Variants in BCAS3 observed in about 807,000 individuals in gnomAD.
BCAS3 encodes BCAS3 microtubule associated cell migration factor.
A neutral mutation model predicts 116.1 loss-of-function variants in BCAS3; 53 were observed. The ratio of observed to expected loss-of-function variants is 0.46; its 90% CI spans 0.37 to 0.57. The LOEUF is 0.57. BCAS3 is among the 20% of genes least tolerant of loss of function. The pLI is 0.00. For missense variants in BCAS3, 917 were observed against 1,165.4 expected (o/e 0.79, Z 3.10); for synonymous variants, 391 against 408.2 (o/e 0.96, Z 0.51).
chr17:60,882,622 GGT>G (rs2056277107), intron 9 of BCAS3, among the ~76,000 whole-genome samples: 1 of 151,410 alleles, frequency 6.6e-6, no homozygotes, highest in Non-Finnish European at 1.5e-5. Flanking sequence ...TTTTGTATAA[GGT>G]GTAAGGAAGG....
intron 22 of BCAS3, among the ~76,000 whole-genome samples, chr17:61,099,848 G>T (rs775693221): frequency 3.3e-5 from 5 of 152,150 alleles, no homozygotes; most frequent in Non-Finnish European, 5.9e-5. Flanking sequence ...TTTGAAGCTA[G>T]CCCATTTTGG....
chr17:61,101,738 G>C (rs2074340072), intron 22 of BCAS3, among the ~76,000 whole-genome samples: 1 of 151,978 alleles, frequency 6.6e-6, no homozygotes, highest in Non-Finnish European at 1.5e-5. Flanking sequence ...TAAAATTCTG[G>C]TTTGTTTTGT....
intron 20 of BCAS3, among the ~76,000 whole-genome samples, 170 bp downstream of exon 20, chr17:61,075,190 A>G (rs2071847542): frequency 6.6e-6 from 1 of 152,230 alleles, no homozygotes; most frequent in Admixed American, 6.5e-5. Context: ...CTGCAGGTGT[A>G]CATATACATA....
At chr17:60,781,311 T>C (rs1451034065) in intron 6 of BCAS3, among the ~76,000 whole-genome samples, 1 of 151,568 alleles carries the variant, frequency 6.6e-6, no homozygotes, top group Non-Finnish European at 1.5e-5. Flanking sequence ...AAAGAAAGAA[T>C]TTTCCAGCTG....
intron 6 of BCAS3, among the ~76,000 whole-genome samples, chr17:60,754,045 T>A (rs960655495): frequency 4.1e-5 from 4 of 97,726 alleles, no homozygotes; most frequent in Non-Finnish European, 1.0e-4. Context: ...TTTATTTATT[T>A]TATTTTGAGA....
At chr17:60,771,696 C>T (rs1568215901) in intron 6 of BCAS3, among the ~76,000 whole-genome samples, 1 of 152,194 alleles carries the variant, frequency 6.6e-6, no homozygotes, top group Non-Finnish European at 1.5e-5. Flanking sequence ...TGCTATCCCT[C>T]CCCTGTCCCC....
intron 7 of BCAS3, among the ~76,000 whole-genome samples, chr17:60,844,211 C>T (rs1002919678): frequency 3.3e-5 from 5 of 152,210 alleles, no homozygotes; most frequent in Admixed American, 6.5e-5. Flanking sequence ...CTCAGCTGAT[C>T]TGCCCGTCTC....
intron 22 of BCAS3, among the ~76,000 whole-genome samples, chr17:61,331,006 G>T (rs563970936): frequency 6.6e-6 from 1 of 152,346 alleles, no homozygotes; most frequent in South Asian, 2.1e-4. Context: ...CACAGTGCCA[G>T]GGGAGCTGTT....
chr17:61,000,155 ATAG>A (rs199944530), intron 15 of BCAS3, among the ~76,000 whole-genome samples: 7,845 of 152,168 alleles, frequency 0.052, 719 homozygotes, highest in African/African-American at 0.18. Flanking sequence ...GCTATGACTT[ATAG>A]TAGTACTATG....
rs370868582 is a variant in BCAS3, at chr17:61,258,035, T to C, written c.2426-110292T>C. On this transcript the variant is annotated intron_variant, in intron 22 of 23. Coordinates refer to ENST00000407086, the MANE Select transcript of BCAS3 (RefSeq NM_017679.5). The surrounding 1 kb of genome is among the most constrained non-coding windows in gnomAD (Gnocchi z 4.7). ...CCCACCTTATTATTTTTGTGCACAC[T>C]GTTCCTTCCTCTGAAGAGCCCTGCT... Among the ~76,000 whole-genome samples, 279 of 152,346 alleles carry C rather than the reference T, an allele frequency of 1.8e-3. No homozygotes were observed. Among genetic ancestry groups the C allele is most frequent in the African/African-American group, 6.5e-3 (272 of 41,580 alleles).
At chr17:61,242,003 G>A (rs2047562364) in intron 22 of BCAS3, among the ~76,000 whole-genome samples, 2 of 152,144 alleles carry the variant, frequency 1.3e-5, no homozygotes, top group African/African-American at 4.8e-5. Flanking sequence ...TTGGCTGGGT[G>A]TGGTGGCTCA....
At chr17:60,725,830 G>C (rs1464537094) in intron 5 of BCAS3, among the ~76,000 whole-genome samples, 2 of 151,494 alleles carry the variant, frequency 1.3e-5, no homozygotes, top group African/African-American at 4.9e-5. Flanking sequence ...GATGCCTGGG[G>C]GAGGGTTTTT....
intron 6 of BCAS3, among the ~76,000 whole-genome samples, chr17:60,772,836 G>A (rs2044863642): frequency 6.6e-6 from 1 of 152,072 alleles, no homozygotes; most frequent in Non-Finnish European, 1.5e-5. Flanking sequence ...TCGCGCCACT[G>A]CACTCCAGCC....
intron 5 of BCAS3, among the ~76,000 whole-genome samples, chr17:60,733,161 A>G (rs1461924901): frequency 6.6e-6 from 1 of 152,266 alleles, no homozygotes; most frequent in African/African-American, 2.4e-5. Context: ...GCCTGGTTAG[A>G]TAAATATGTT....
At chr17:60,694,962 A>T (rs1049793679) in intron 4 of BCAS3, among the ~76,000 whole-genome samples, 2 of 152,018 alleles carry the variant, frequency 1.3e-5, no homozygotes, top group Admixed American at 1.3e-4. Flanking sequence ...TAACTACTTT[A>T]GGGACCTCAC....
At chr17:60,838,197 TG>T (rs948110450) in intron 7 of BCAS3, among the ~76,000 whole-genome samples, 7 of 152,028 alleles carry the variant, frequency 4.6e-5, no homozygotes, top group Admixed American at 1.3e-4. Context: ...TCACAACATG[TG>T]CATAGTTCCC....
In BCAS3 at chr17:61,346,118, A is replaced by G. The variant is rs1210802047; in HGVS notation, c.2426-22209A>G. 6.6e-6 allele frequency among the ~76,000 whole-genome samples: 1 copy of G among 152,132 alleles called. No homozygotes were observed. The highest frequency in any genetic ancestry group is 2.4e-5 in the African/African-American group (1 of 41,430). ...AAGGTAACAGCGGGGTAGGTGCCATAATCCTTGTTGAAGTCGAGGAGTTGA... is the reference window on the plus strand; with the variant it reads ...AAGGTAACAGCGGGGTAGGTGCCATGATCCTTGTTGAAGTCGAGGAGTTGA... On this transcript the variant is annotated intron_variant, in intron 22 of 23. Coordinates refer to ENST00000407086, the MANE Select transcript of BCAS3 (RefSeq NM_017679.5). The surrounding 1 kb of genome is among the most constrained non-coding windows in gnomAD (Gnocchi z 5.4).
chr17:61,144,842 A>G lies in BCAS3; in HGVS notation c.2425+60278A>G, dbSNP rs1482108510. Among the ~76,000 whole-genome samples, 1 of 152,212 alleles carries G rather than the reference A, an allele frequency of 6.6e-6. No homozygotes were observed. The highest frequency in any genetic ancestry group is 1.9e-4 in the East Asian group (1 of 5,192). ...TTACTTCATGTAGATTAACTGAAAT[A>G]ATGATGCTGCTAAGATTCGCAGATT... On this transcript the variant is annotated intron_variant, in intron 22 of 23. Coordinates refer to ENST00000407086, the MANE Select transcript of BCAS3 (RefSeq NM_017679.5). This position sits in a 1 kb window ranked among gnomAD's most constrained non-coding sequence, Gnocchi z 5.0.
intron 12 of BCAS3, among the ~76,000 whole-genome samples, chr17:60,910,976 A>G (rs1422142430): frequency 1.3e-5 from 2 of 152,042 alleles, no homozygotes; most frequent in East Asian, 1.9e-4. Flanking sequence ...AAATAATTAT[A>G]TAACATTTAA....
Sources: allele counts gnomAD v4.1 joint callset (sites outside exome capture counted in the v4.1 genomes callset), GRCh38; gene constraint gnomAD v4.1.1; non-coding constraint Gnocchi (gnomAD v3.1); transcripts MANE v1.5; gene names NCBI Gene and HGNC (gene_info 2026-07-23, HGNC 2026-07-21).